Variants in RPS6KA2 observed in about 807,000 individuals in gnomAD.
RPS6KA2 encodes ribosomal protein S6 kinase A2.
A neutral mutation model predicts 91.8 loss-of-function variants in RPS6KA2; 42 were observed. The observed-to-expected ratio is 0.46, with a 90% CI of 0.36 to 0.59. The LOEUF is 0.59. RPS6KA2 is among the 20% of genes least tolerant of loss of function. The pLI, the probability that RPS6KA2 is intolerant of heterozygous loss-of-function variation, is 0.00. For synonymous variants in RPS6KA2, 414 were observed against 393.6 expected (o/e 1.05, Z -0.61); for missense variants, 798 against 978.5 (o/e 0.82, Z 2.46).
intron 2 of RPS6KA2, among the ~76,000 whole-genome samples, chr6:166,843,191 A>C (rs1004806654): frequency 2.0e-5 from 3 of 152,052 alleles, no homozygotes; most frequent in African/African-American, 4.8e-5. Context: ...CCTGGGAATC[A>C]CACCCCCATC....
At chr6:166,478,344 G>T (rs1781059363) in intron 10 of RPS6KA2, among the ~76,000 whole-genome samples, 1 of 152,216 alleles carries the variant, frequency 6.6e-6, no homozygotes, top group African/African-American at 2.4e-5. Flanking sequence ...CTTGAAAGAG[G>T]AGTTTCAGCC....
At chr6:166,592,043 C>A (rs1453527135) in intron 1 of RPS6KA2, among the ~76,000 whole-genome samples, 1 of 152,192 alleles carries the variant, frequency 6.6e-6, no homozygotes, top group Non-Finnish European at 1.5e-5. Context: ...AAAATAATCA[C>A]CAGCCAGGGC....
At chr6:166,831,076 T>TC (rs1780171856) in intron 2 of RPS6KA2, among the ~76,000 whole-genome samples, 1 of 151,912 alleles carries the variant, frequency 6.6e-6, no homozygotes, top group Admixed American at 6.5e-5. Flanking sequence ...GCCCAGACCC[T>TC]CCAGTGGCAG....
In RPS6KA2 at chr6:166,701,431, T is replaced by C. The variant is rs1290388481; in HGVS notation, c.123+156769A>G. 1.1e-5 allele frequency: 13 copies of C among 1,233,388 alleles called. No homozygotes were observed. The East Asian group carries it at 2.3e-4, about 22-fold the overall frequency. The allele number at this position is 1,233,388 out of a possible 1,614,324, so 76.4% of individuals were successfully genotyped here. The stretch of plus-strand genomic sequence containing the variant: ...CTTTCATTTTTCCATAATTCTTCCC[T>C]GAGCCTTGAACCGAGCCTCTGGTGA... On this transcript the variant is annotated intron_variant, in intron 2 of 21. Transcript: ENST00000503859.
intron 5 of RPS6KA2, among the ~76,000 whole-genome samples, chr6:166,505,151 C>T (rs1294142350): frequency 6.6e-6 from 1 of 152,066 alleles, no homozygotes; most frequent in African/African-American, 2.4e-5. Context: ...AAAGATCACC[C>T]ACAGGTGGTA....
chr6:166,558,374 G>A (rs866464924), intron 1 of RPS6KA2, among the ~76,000 whole-genome samples: 3 of 152,210 alleles, frequency 2.0e-5, no homozygotes, highest in Non-Finnish European at 4.4e-5. Flanking sequence ...TTTGGCTGGT[G>A]GAGGAGGCCT....
At chr6:166,633,727 G>C (rs905318271) in intron 2 of RPS6KA2, among the ~76,000 whole-genome samples, 1 of 152,154 alleles carries the variant, frequency 6.6e-6, no homozygotes, top group East Asian at 1.9e-4. Flanking sequence ...ATAATTATAG[G>C]ATGGAAGAAT....
At position 166,722,944 on chromosome 6, in the gene RPS6KA2, C is replaced by T. The variant is rs370077441; in HGVS notation, c.123+135256G>A. On this transcript the variant is annotated intron_variant, in intron 2 of 21. Coordinates refer to the RPS6KA2 transcript ENST00000503859. The stretch of plus-strand genomic sequence containing the variant: ...CTCATCACAACTCGCGAGACACCAC[C>T]GCCTCCAAGGTCTGTCTGTGCCTAC... Among the ~76,000 whole-genome samples, 59 of 152,334 alleles carry T rather than the reference C, an allele frequency of 3.9e-4. No homozygotes were observed. In the South Asian group the frequency reaches 0.011, roughly 28 times the overall value.
intron 1 of RPS6KA2, among the ~76,000 whole-genome samples, chr6:166,599,975 C>T (rs1399693557): frequency 2.0e-5 from 3 of 152,120 alleles, no homozygotes; most frequent in East Asian, 1.9e-4. Context: ...TCCCCTCCTC[C>T]GTATATGGGT....
intron 1 of RPS6KA2, among the ~76,000 whole-genome samples, chr6:166,547,135 C>G (rs1783852392): frequency 6.6e-6 from 1 of 152,098 alleles, no homozygotes; most frequent in African/African-American, 2.4e-5. Context: ...CTATATTGAT[C>G]AGACCGTTCA....
At chr6:166,858,188 G>GT (rs1780958943) in intron 2 of RPS6KA2, 7 of 1,458,696 alleles carry the variant, frequency 4.8e-6, no homozygotes, top group Non-Finnish European at 6.8e-6. Context: ...GTAATAAAAC[G>GT]TGTATAGTTA....
In RPS6KA2 at chr6:166,849,806, G is replaced by T. The variant is rs564525791; in HGVS notation, c.123+8394C>A. On this transcript the variant is annotated intron_variant, in intron 2 of 21. Transcript: ENST00000503859. The surrounding 1 kb of genome is among the most constrained non-coding windows in gnomAD (Gnocchi z 4.9). ...GTTTCCTCAAGCTGACTGAATTCTC[G>T]CCTTCGCTTTCTTTGGAAATGGTTT... Among the ~76,000 whole-genome samples, 20 of 152,284 alleles carry T rather than the reference G, an allele frequency of 1.3e-4. No individual in the cohort carries two copies. In the South Asian group the frequency reaches 3.1e-3, roughly 24 times the overall value.
Position 166,423,421 on chromosome 6 carries a change from C to T in RPS6KA2, c.1582-4G>A, listed in dbSNP as rs1778800542. ...GCTTCAGGTCTCGATGAACAACCTG[C>T]AAGACAGAAGGCACAGTGCCTACTT... is the stretch of plus-strand genomic sequence containing the variant. On this transcript the variant is annotated splice_region_variant and splice_polypyrimidine_tract_variant and intron_variant, in intron 16 of 20. Coordinates refer to ENST00000265678, the MANE Select transcript of RPS6KA2 (RefSeq NM_021135.6). The surrounding 1 kb of genome is among the most constrained non-coding windows in gnomAD (Gnocchi z 4.8). The T allele has an allele frequency of 6.2e-7, 1 of 1,605,120 alleles. No individual in the cohort carries two copies. The highest frequency in any genetic ancestry group is 8.5e-7 in the Non-Finnish European group (1 of 1,172,738).
chr6:166,769,980 A>C (rs1778421668), intron 2 of RPS6KA2, among the ~76,000 whole-genome samples: 1 of 152,238 alleles, frequency 6.6e-6, no homozygotes, highest in African/African-American at 2.4e-5. Flanking sequence ...CCAGAAAATC[A>C]GGAGTATTTT....
At chr6:166,651,691 C>T (rs897811138) in intron 2 of RPS6KA2, among the ~76,000 whole-genome samples, 8 of 152,262 alleles carry the variant, frequency 5.3e-5, no homozygotes, top group Non-Finnish European at 1.0e-4. Context: ...AGGACAGCAG[C>T]CCTTACACAG....
intron 2 of RPS6KA2, among the ~76,000 whole-genome samples, chr6:166,839,862 G>T (rs967715767): frequency 5.3e-5 from 8 of 150,830 alleles, no homozygotes; most frequent in Non-Finnish European, 1.0e-4. Context: ...ACTGATTTTG[G>T]ACTTCTGCTC....
At chr6:166,478,296 G>A (rs1490914673) in intron 10 of RPS6KA2, among the ~76,000 whole-genome samples, 1 of 151,932 alleles carries the variant, frequency 6.6e-6, no homozygotes, top group Non-Finnish European at 1.5e-5. Flanking sequence ...GGAATGACAA[G>A]GCAGAGACTA....
In RPS6KA2 at chr6:166,523,457, C is replaced by G. The variant is rs529512859; in HGVS notation, c.298+7775G>C. ...GAGGCCTGGGGACCCCAGGAGTTAT[C>G]TTGGGATAAGCATAGGATTCTGACC... On this transcript the variant is annotated intron_variant, in intron 3 of 20. Transcript: ENST00000265678. 4.6e-5 allele frequency among the ~76,000 whole-genome samples: 7 copies of G among 152,258 alleles called. No individual in the cohort carries two copies. In the South Asian group the frequency reaches 1.2e-3, roughly 27 times the overall value.
chr6:166,798,616 A>G (rs1779283327), intron 2 of RPS6KA2, among the ~76,000 whole-genome samples: 1 of 152,242 alleles, frequency 6.6e-6, no homozygotes, highest in African/African-American at 2.4e-5. Context: ...GACTGGGGTC[A>G]GTGTACATGC....
Sources: gnomAD v4.1 joint callset for allele counts (sites outside exome capture counted in the v4.1 genomes callset) on GRCh38, gnomAD v4.1.1 for gene constraint, Gnocchi (gnomAD v3.1) non-coding constraint, MANE v1.5 for transcripts, NCBI Gene and HGNC (gene_info 2026-07-23, HGNC 2026-07-21) for gene names.